GLRA3: variants seen among roughly 807,000 people sequenced by gnomAD.
The protein encoded by GLRA3 is glycine receptor alpha 3.
Under a neutral mutation model 60.4 loss-of-function variants are expected in GLRA3, and 44 were observed. The ratio of observed to expected loss-of-function variants is 0.73; its 90% CI spans 0.57 to 0.94. GLRA3 has a LOEUF of 0.94. GLRA3 is among the 40% of genes least tolerant of loss of function. The probability of loss-of-function intolerance (pLI) is 0.00; values close to 1 mark genes in which losing one functional copy is unlikely to be tolerated. For missense variants in GLRA3, 508 were observed against 564.6 expected, an observed-to-expected ratio of 0.90 and a Z score of 1.02; for synonymous variants, 223 against 192.9, an observed-to-expected ratio of 1.16 and a Z score of -1.29.
chr4:174,747,373 C>G (rs965613453), intron 3 of GLRA3, among the ~76,000 whole-genome samples: 8 of 152,106 alleles, frequency 5.3e-5, no homozygotes, highest in African/African-American at 1.9e-4. Context: ...GGCGAGAATT[C>G]AGTCTGATGA....
rs146008841 is a variant in GLRA3, at chr4:174,648,909, T to C, written c.1117-4845A>G. ...TATTTCCCAGCAGATTATTGCCTGC[T>C]GGGAGGACGGAAATCTGTTCCAATT... On this transcript the variant is annotated intron_variant, in intron 9 of 9. Coordinates refer to ENST00000274093, the MANE Select transcript of GLRA3 (RefSeq NM_006529.4). Among the ~76,000 whole-genome samples the C allele has an allele frequency of 5.0e-3, 756 of 152,256 alleles. 8 individuals are homozygous for C. Among genetic ancestry groups the C allele is most frequent in the African/African-American group, 0.017 (700 of 41,546 alleles).
intron 5 of GLRA3, among the ~76,000 whole-genome samples, chr4:174,701,405 T>G (rs537431219): frequency 1.3e-5 from 2 of 152,314 alleles, no homozygotes; most frequent in Admixed American, 1.3e-4. Context: ...TCACTGCTGA[T>G]GCCAATTAAC....
At chr4:174,769,782 T>C (rs905975368) in intron 2 of GLRA3, among the ~76,000 whole-genome samples, 2 of 152,152 alleles carry the variant, frequency 1.3e-5, no homozygotes, top group African/African-American at 2.4e-5. Flanking sequence ...TATGAAGCTT[T>C]TGAGAGAGTC....
intron 5 of GLRA3, among the ~76,000 whole-genome samples, chr4:174,700,449 T>C (rs1242444368): frequency 6.6e-6 from 1 of 152,188 alleles, no homozygotes; most frequent in Non-Finnish European, 1.5e-5. Context: ...ACCATTATAA[T>C]TGTTTTTGGG....
At chr4:174,718,493 A>G (rs779932134) in intron 4 of GLRA3, among the ~76,000 whole-genome samples, 2 of 152,206 alleles carry the variant, frequency 1.3e-5, no homozygotes, top group Non-Finnish European at 2.9e-5. Flanking sequence ...ATAATTTGTG[A>G]CAAACAATTG....
chr4:174,667,362 T>C (rs767902279), intron 7 of GLRA3, among the ~76,000 whole-genome samples: 1 of 152,084 alleles, frequency 6.6e-6, no homozygotes, highest in Non-Finnish European at 1.5e-5. Context: ...AAGCACAGAA[T>C]TGAGGAACCT....
intron 4 of GLRA3, among the ~76,000 whole-genome samples, chr4:174,726,619 C>T (rs527238339): frequency 2.9e-4 from 44 of 152,202 alleles, no homozygotes; most frequent in Middle Eastern, 3.4e-3. Flanking sequence ...CTAGGATGTA[C>T]GAAGCAAAAG....
chr4:174,799,343 A>T (rs1739716307), intron 1 of GLRA3, among the ~76,000 whole-genome samples: 1 of 152,238 alleles, frequency 6.6e-6, no homozygotes, highest in Non-Finnish European at 1.5e-5. Flanking sequence ...TTCTTTAAAA[A>T]GTGCCATGGC....
chr4:174,667,225 C>G (rs1340301486), intron 7 of GLRA3, among the ~76,000 whole-genome samples: 1 of 152,078 alleles, frequency 6.6e-6, no homozygotes, highest in Non-Finnish European at 1.5e-5. Flanking sequence ...CACAAGAGCA[C>G]TAGGAGATGT....
intron 1 of GLRA3, among the ~76,000 whole-genome samples, chr4:174,805,038 C>T (rs1046728309): frequency 2.8e-4 from 42 of 152,146 alleles, no homozygotes; most frequent in Admixed American, 2.8e-3. Context: ...ATTGGCACAG[C>T]TGTCGGCATT....
intron 2 of GLRA3, among the ~76,000 whole-genome samples, chr4:174,771,712 GT>G (rs1299305531): frequency 5.3e-5 from 8 of 152,100 alleles, no homozygotes; most frequent in Non-Finnish European, 8.8e-5. Flanking sequence ...AAATAAAAGA[GT>G]GGGGAGATAA....
intron 2 of GLRA3, among the ~76,000 whole-genome samples, chr4:174,781,158 T>A (rs1287834250): frequency 1.3e-5 from 2 of 151,888 alleles, no homozygotes. Context: ...GGATTAAGAA[T>A]CTCACTCAAA....
At chr4:174,762,985 C>A (rs1737995695) in intron 3 of GLRA3, among the ~76,000 whole-genome samples, 1 of 152,092 alleles carries the variant, frequency 6.6e-6, no homozygotes, top group African/African-American at 2.4e-5. Context: ...GAACTTCATA[C>A]AAACGGAAGT....
At chr4:174,786,110 T>G (rs1739120901) in intron 2 of GLRA3, among the ~76,000 whole-genome samples, 1 of 152,022 alleles carries the variant, frequency 6.6e-6, no homozygotes, top group Non-Finnish European at 1.5e-5. Flanking sequence ...AAAATTTTAA[T>G]ATATATTACT....
At chr4:174,799,323 C>T (rs964133344) in intron 1 of GLRA3, among the ~76,000 whole-genome samples, 4 of 152,160 alleles carry the variant, frequency 2.6e-5, no homozygotes, top group Non-Finnish European at 5.9e-5. Context: ...CTTAAAGCAA[C>T]TAGAAAAGGT....
chr4:174,787,906 TA>T (rs1410705910), intron 2 of GLRA3, among the ~76,000 whole-genome samples: 1 of 152,078 alleles, frequency 6.6e-6, no homozygotes, highest in Non-Finnish European at 1.5e-5. Context: ...CCAATCTTGA[TA>T]TTTTTTTACT....
At chr4:174,692,314 G>GT (rs1459749984) in intron 5 of GLRA3, among the ~76,000 whole-genome samples, 1 of 147,108 alleles carries the variant, frequency 6.8e-6, no homozygotes, top group South Asian at 2.3e-4. Flanking sequence ...TGGGAGGGAG[G>GT]TGGGGGGGTC....
In GLRA3 at chr4:174,637,444, A is replaced by C. The variant is rs1228727221; in HGVS notation, c.*6342T>G. 1 of 152,170 alleles carries C rather than the reference A, an allele frequency of 6.6e-6. No homozygotes were observed. The highest frequency in any genetic ancestry group is 2.4e-5 in the African/African-American group (1 of 41,456). The allele number at this position is 152,170 out of a possible 1,614,324, so 9.4% of individuals were successfully genotyped here. Reference sequence around the variant, plus strand: ...AAATTTAAGTAATGACCATTGAATAATTCATAGAGAAAAAAGTGAAGAAGT... The same window carrying C: ...AAATTTAAGTAATGACCATTGAATACTTCATAGAGAAAAAAGTGAAGAAGT... On this transcript the variant is annotated 3_prime_UTR_variant, in exon 10 of 10. Transcript: ENST00000274093.
chr4:174,721,650 C>T (rs1051685036), intron 4 of GLRA3, among the ~76,000 whole-genome samples: 12 of 151,478 alleles, frequency 7.9e-5, no homozygotes, highest in Non-Finnish European at 1.8e-4. Flanking sequence ...CTCCAAATGC[C>T]AGAATGTGTA....
Sources: allele counts gnomAD v4.1 joint callset (sites outside exome capture counted in the v4.1 genomes callset), GRCh38; gene constraint gnomAD v4.1.1; transcripts MANE v1.5; gene names NCBI Gene and HGNC (gene_info 2026-07-23, HGNC 2026-07-21).